PLXNC1: variants seen among roughly 807,000 people sequenced by gnomAD.
The protein encoded by PLXNC1 is plexin C1.
PLXNC1 carries 75 observed loss-of-function variants against 178.2 expected under a neutral mutation model. The ratio of observed to expected loss-of-function variants is 0.42; its 90% CI spans 0.35 to 0.51. PLXNC1 has a LOEUF of 0.51. Among genes scored for constraint, PLXNC1 ranks in the 20% least tolerant of loss-of-function variants. The pLI is 0.02. For synonymous variants in PLXNC1, 790 were observed against 779.9 expected, an observed-to-expected ratio of 1.01 and a Z score of -0.22; for missense variants, 1,503 against 1,984.4, an observed-to-expected ratio of 0.76 and a Z score of 4.61.
intron 4 of PLXNC1, among the ~76,000 whole-genome samples, chr12:94,204,531 C>T (rs1344722525): frequency 6.6e-6 from 1 of 152,204 alleles, no homozygotes; most frequent in Non-Finnish European, 1.5e-5. Context: ...TTTGAGCTTT[C>T]CCAGCAAGTT....
intron 22 of PLXNC1, 45 bp downstream of exon 22, chr12:94,279,694 T>C (rs1966282627): frequency 6.4e-7 from 1 of 1,554,368 alleles, no homozygotes; most frequent in Non-Finnish European, 8.9e-7. Context: ...CTGATGAGTG[T>C]CCCTCCCTGC....
chr12:94,172,807 C>G (rs543309306), intron 2 of PLXNC1, among the ~76,000 whole-genome samples: 27 of 152,172 alleles, frequency 1.8e-4, no homozygotes, highest in African/African-American at 6.5e-4. Context: ...ATGCATTTTC[C>G]AAGGAAGACG....
intron 1 of PLXNC1, among the ~76,000 whole-genome samples, chr12:94,166,898 G>T (rs1372849466): frequency 1.3e-5 from 2 of 151,948 alleles, no homozygotes; most frequent in South Asian, 2.1e-4. Context: ...TCCTAAATAG[G>T]TGGGACAACA....
intron 4 of PLXNC1, among the ~76,000 whole-genome samples, chr12:94,204,166 T>C (rs1963227550): frequency 6.6e-6 from 1 of 152,240 alleles, no homozygotes; most frequent in Non-Finnish European, 1.5e-5. Flanking sequence ...CTAAGACAGA[T>C]GGGCTCAGTC....
intron 23 of PLXNC1, among the ~76,000 whole-genome samples, chr12:94,285,271 C>G (rs546166370): frequency 7.2e-4 from 110 of 152,316 alleles, no homozygotes; most frequent in African/African-American, 2.5e-3. Context: ...GGACCTAGGA[C>G]TCTGCCAGAT....
chr12:94,277,685 G>T (rs1966078446), intron 21 of PLXNC1: 1 of 332,964 alleles, frequency 3.0e-6, no homozygotes, highest in African/African-American at 2.2e-5. Flanking sequence ...TACTGAGCAT[G>T]GAGTGGGCGT....
intron 4 of PLXNC1, among the ~76,000 whole-genome samples, chr12:94,208,445 T>A (rs765990844): frequency 6.6e-6 from 1 of 151,336 alleles, no homozygotes; most frequent in Non-Finnish European, 1.5e-5. Flanking sequence ...AGAGAGAGAG[T>A]AGAGAAAGGA....
chr12:94,169,625 T>C (rs1252439218), intron 2 of PLXNC1, among the ~76,000 whole-genome samples: 1 of 152,212 alleles, frequency 6.6e-6, no homozygotes, highest in Non-Finnish European at 1.5e-5. Context: ...TGTAACCTTT[T>C]AGTTCTAGCT....
At chr12:94,302,698 C>T (rs967439559) in intron 28 of PLXNC1, among the ~76,000 whole-genome samples, 2 of 152,138 alleles carry the variant, frequency 1.3e-5, no homozygotes, top group African/African-American at 4.8e-5. Flanking sequence ...TGCCTGAAAC[C>T]ACACAAAGTA....
intron 1 of PLXNC1, among the ~76,000 whole-genome samples, chr12:94,154,840 A>G (rs1432079006): frequency 2.0e-5 from 3 of 152,178 alleles, no homozygotes; most frequent in African/African-American, 7.2e-5. Context: ...CATCATCTCA[A>G]AGGGTGTTCT....
At chr12:94,226,449 G>A in intron 7 of PLXNC1, 156 bp from the exon 8 acceptor site, 1 of 574,000 alleles carries the variant, frequency 1.7e-6, no homozygotes, top group Non-Finnish European at 3.1e-6. Flanking sequence ...GGGCTTCCAA[G>A]AGCAGGGCAC....
intron 22 of PLXNC1, chr12:94,279,852 CG>C (rs1342666810): frequency 1.4e-6 from 1 of 695,368 alleles, no homozygotes; most frequent in East Asian, 2.7e-5. Flanking sequence ...GAAGGAAGCA[CG>C]GTCCTTCAAA....
At chr12:94,303,412 T>C (rs1221316912) in intron 28 of PLXNC1, among the ~76,000 whole-genome samples, 3 of 152,234 alleles carry the variant, frequency 2.0e-5, no homozygotes, top group African/African-American at 7.2e-5. Flanking sequence ...TCAGGCTTTT[T>C]ACAACCATTA....
intron 21 of PLXNC1, among the ~76,000 whole-genome samples, chr12:94,273,048 A>G (rs1379825791): frequency 6.6e-6 from 1 of 152,168 alleles, no homozygotes. Flanking sequence ...ATGATTTTGG[A>G]CATGCTTCTA....
At chr12:94,259,449 T>A (rs913732337) in intron 18 of PLXNC1, 74 bp downstream of exon 18, 2 of 1,249,044 alleles carry the variant, frequency 1.6e-6, no homozygotes, top group African/African-American at 3.1e-5. Context: ...CACTATCATC[T>A]CTATTATTAT....
Position 94,282,528 on chromosome 12 carries a change from G to A in PLXNC1, c.3879+127G>A, listed in dbSNP as rs545781148. The A allele has an allele frequency of 6.9e-5, 45 of 656,806 alleles. No homozygotes were observed. In the South Asian group the frequency reaches 8.3e-4, roughly 12 times the overall value. The allele number at this position is 656,806 out of a possible 1,614,324, so 40.7% of individuals were successfully genotyped here. On this transcript the variant is annotated intron_variant, in intron 23 of 30. Coordinates refer to ENST00000258526, the MANE Select transcript of PLXNC1 (RefSeq NM_005761.3). ...GACTTGCAGATCGATCGTGTCTGGGGCTGAAGTTTTCTTTCGTTGCTTGTG... is the reference window on the plus strand; with the variant it reads ...GACTTGCAGATCGATCGTGTCTGGGACTGAAGTTTTCTTTCGTTGCTTGTG...
chr12:94,211,187 G>A (rs7961712), intron 5 of PLXNC1, among the ~76,000 whole-genome samples: 131,009 of 152,174 alleles, frequency 0.86, 56,407 homozygotes, highest in East Asian at 0.97. Context: ...CCACCCAAAC[G>A]ACCACTGGTG....
intron 23 of PLXNC1, among the ~76,000 whole-genome samples, chr12:94,287,219 C>G (rs935583873): frequency 2.6e-5 from 4 of 152,226 alleles, no homozygotes; most frequent in Non-Finnish European, 5.9e-5. Flanking sequence ...CGTGTCTTTA[C>G]ACATGAAGCC....
At chr12:94,207,107 T>TA in intron 4 of PLXNC1, among the ~76,000 whole-genome samples, 1 of 152,348 alleles carries the variant, frequency 6.6e-6, no homozygotes, top group East Asian at 1.9e-4. Context: ...AGTAATAAGA[T>TA]ACTGTTGTTG....
Sources: allele counts gnomAD v4.1 joint callset (sites outside exome capture counted in the v4.1 genomes callset), GRCh38; gene constraint gnomAD v4.1.1; transcripts MANE v1.5; gene names NCBI Gene and HGNC (gene_info 2026-07-23, HGNC 2026-07-21).